PTPRD: variants seen among roughly 807,000 people sequenced by gnomAD.
The protein encoded by PTPRD is receptor-type tyrosine-protein phosphatase delta.
PTPRD carries 34 observed loss-of-function variants against 214.5 expected under a neutral mutation model. The observed-to-expected ratio is 0.16, with a 90% CI of 0.12 to 0.21. The LOEUF (loss-of-function observed/expected upper bound fraction) is 0.21. PTPRD is among the 10% of genes least tolerant of loss of function. PTPRD has a pLI of 1.00. For missense variants in PTPRD, 2,545 were observed against 2,398.7 expected (o/e 1.06, Z -1.27); for synonymous variants, 1,128 against 845.7 (o/e 1.33, Z -5.79).
chr9:9,137,403 T>C (rs1403396212), intron 10 of PTPRD, among the ~76,000 whole-genome samples: 1 of 152,152 alleles, frequency 6.6e-6, no homozygotes, highest in Non-Finnish European at 1.5e-5. Flanking sequence ...AGTTGTAAAG[T>C]TACCAATAAC....
chr9:9,075,801 A>G (rs1193868708), intron 10 of PTPRD, among the ~76,000 whole-genome samples: 2 of 152,116 alleles, frequency 1.3e-5, no homozygotes, highest in East Asian at 3.9e-4. Flanking sequence ...TTCTTAATTC[A>G]GTCTTTCATT....
chr9:8,650,553 T>C (rs1231334346), intron 12 of PTPRD, among the ~76,000 whole-genome samples: 1 of 139,596 alleles, frequency 7.2e-6, no homozygotes, highest in African/African-American at 2.6e-5. Context: ...AAAAAGTGGA[T>C]ACGTGATGGA....
rs114340030 is a variant in PTPRD, at chr9:9,437,092, G to A, written c.-236-39610C>T. Among the ~76,000 whole-genome samples the A allele has an allele frequency of 8.5e-3, 1,286 of 152,156 alleles. 20 individuals are homozygous for A. The highest frequency in any genetic ancestry group is 0.03 in the African/African-American group (1,234 of 41,508). Reference sequence around the variant, plus strand: ...CAATGTAATAAACTCTAATATTTTTGGGCAGCGAATTCACTGGGACACTAT... The same window carrying A: ...CAATGTAATAAACTCTAATATTTTTAGGCAGCGAATTCACTGGGACACTAT... On this transcript the variant is annotated intron_variant, in intron 8 of 45. Transcript: ENST00000381196.
At chr9:9,996,611 T>G (rs1368095595) in intron 4 of PTPRD, among the ~76,000 whole-genome samples, 1 of 152,184 alleles carries the variant, frequency 6.6e-6, no homozygotes, top group Non-Finnish European at 1.5e-5. Flanking sequence ...TAAACTGCCT[T>G]GCTAAGTATT....
intron 3 of PTPRD, among the ~76,000 whole-genome samples, chr9:10,133,016 C>G (rs1459375499): frequency 6.6e-6 from 1 of 152,106 alleles, no homozygotes; most frequent in Non-Finnish European, 1.5e-5. Flanking sequence ...GTTACTTGTT[C>G]TAGAGGAAGT....
intron 10 of PTPRD, among the ~76,000 whole-genome samples, chr9:9,104,763 C>A (rs2099796168): frequency 6.6e-6 from 1 of 152,160 alleles, no homozygotes; most frequent in Admixed American, 6.5e-5. Flanking sequence ...TTTGTCATTT[C>A]TTTGTTCATT....
chr9:8,924,916 T>C (rs2154274887), intron 11 of PTPRD, among the ~76,000 whole-genome samples: 1 of 152,306 alleles, frequency 6.6e-6, no homozygotes, highest in South Asian at 2.1e-4. Flanking sequence ...AAGCCATCAT[T>C]TACAACATGG....
At chr9:9,572,257 G>A (rs2086677663) in intron 8 of PTPRD, among the ~76,000 whole-genome samples, 1 of 151,216 alleles carries the variant, frequency 6.6e-6, no homozygotes. Flanking sequence ...ACTATGTTGT[G>A]AAAATACTTC....
At position 9,167,677 on chromosome 9, in the gene PTPRD, C is replaced by T. The variant is rs140596980; in HGVS notation, c.-143+15627G>A. On this transcript the variant is annotated intron_variant, in intron 10 of 45. Coordinates refer to ENST00000381196, the MANE Select transcript of PTPRD (RefSeq NM_002839.4). ...GGCTGAGGCACAAGAATCGCTTGATCCAAGGAGGCAGAGGTTGTGGTGAGC... is the reference window on the plus strand; with the variant it reads ...GGCTGAGGCACAAGAATCGCTTGATTCAAGGAGGCAGAGGTTGTGGTGAGC... 3.5e-3 allele frequency among the ~76,000 whole-genome samples: 525 copies of T among 152,080 alleles called. 5 individuals are homozygous for T. Among genetic ancestry groups the T allele is most frequent in the Admixed American group, 5.4e-3 (83 of 15,282 alleles).
intron 5 of PTPRD, among the ~76,000 whole-genome samples, chr9:9,935,515 A>G (rs1420888521): frequency 6.6e-6 from 1 of 152,168 alleles, no homozygotes; most frequent in Non-Finnish European, 1.5e-5. Context: ...AATTCAACTT[A>G]CAAGGGATGT....
intron 7 of PTPRD, among the ~76,000 whole-genome samples, chr9:9,615,683 T>A: frequency 6.6e-6 from 1 of 152,312 alleles, no homozygotes; most frequent in African/African-American, 2.4e-5. Flanking sequence ...CTGGAGATCA[T>A]TTTGCTATCA....
chr9:10,046,767 C>G (rs1193292022), intron 3 of PTPRD, among the ~76,000 whole-genome samples: 3 of 151,924 alleles, frequency 2.0e-5, no homozygotes, highest in African/African-American at 7.2e-5. Flanking sequence ...CAAGTATATG[C>G]TGTTATTCTG....
chr9:8,428,457 C>A (rs571219394), intron 35 of PTPRD, among the ~76,000 whole-genome samples: 13 of 152,184 alleles, frequency 8.5e-5, no homozygotes, highest in African/African-American at 3.1e-4. Context: ...TTGTTCTCAA[C>A]TTTTTTAAAA....
At chr9:9,032,923 A>G (rs2099610239) in intron 10 of PTPRD, among the ~76,000 whole-genome samples, 1 of 152,016 alleles carries the variant, frequency 6.6e-6, no homozygotes. Flanking sequence ...CCCCATGTGC[A>G]CTAGGGAAAC....
intron 3 of PTPRD, among the ~76,000 whole-genome samples, chr9:10,335,149 A>G (rs1173278951): frequency 6.6e-6 from 1 of 151,770 alleles, no homozygotes; most frequent in Non-Finnish European, 1.5e-5. Flanking sequence ...GAAGGAGAAG[A>G]ACAAAGTCCA....
At chr9:10,463,553 G>C (rs373193155) in intron 2 of PTPRD, among the ~76,000 whole-genome samples, 1 of 152,116 alleles carries the variant, frequency 6.6e-6, no homozygotes, top group Non-Finnish European at 1.5e-5. Context: ...AAAGTGTTGA[G>C]ATTGAATTCA....
intron 9 of PTPRD, among the ~76,000 whole-genome samples, chr9:9,396,184 C>T (rs2067735998): frequency 6.6e-6 from 1 of 151,914 alleles, no homozygotes; most frequent in Admixed American, 6.6e-5. Context: ...GAATCAAGAG[C>T]ACTAAAAGTC....
At chr9:9,056,397 C>T (rs1201850546) in intron 10 of PTPRD, among the ~76,000 whole-genome samples, 1 of 152,108 alleles carries the variant, frequency 6.6e-6, no homozygotes, top group African/African-American at 2.4e-5. Flanking sequence ...GATGATCAGC[C>T]CTGCAGTAAC....
rs565040559 is a variant in PTPRD, at chr9:9,778,428, G to T, written c.-367-11577C>A. Among the ~76,000 whole-genome samples the T allele has an allele frequency of 5.3e-5, 8 of 152,276 alleles. No individual in the cohort carries two copies. In the South Asian group the frequency reaches 1.7e-3, roughly 32 times the overall value. On this transcript the variant is annotated intron_variant, in intron 5 of 45. Coordinates refer to ENST00000381196, the MANE Select transcript of PTPRD (RefSeq NM_002839.4). Reference sequence around the variant, plus strand: ...TGGTGTGTAGCACAGAAATGTTTGTGTGCTGGGCAGCTCCAGCAAAAAGTA... The same window carrying T: ...TGGTGTGTAGCACAGAAATGTTTGTTTGCTGGGCAGCTCCAGCAAAAAGTA...
Sources: allele counts gnomAD v4.1 joint callset (sites outside exome capture counted in the v4.1 genomes callset), GRCh38; gene constraint gnomAD v4.1.1; transcripts MANE v1.5; gene names NCBI Gene and HGNC (gene_info 2026-07-23, HGNC 2026-07-21).